DYNLT5: variants seen among roughly 807,000 people sequenced by gnomAD.
The protein encoded by DYNLT5 is dynein light chain Tctex-type 5.
DYNLT5 carries 25 observed loss-of-function variants against 19.3 expected under a neutral mutation model. The observed-to-expected ratio is 1.30, with a 90% CI of 0.95 to 1.81. The LOEUF is 1.81. DYNLT5 is among the 40% of genes most tolerant of loss of function. DYNLT5 has a pLI of 0.00. For missense variants in DYNLT5, 232 were observed against 217.9 expected (o/e 1.06, Z -0.41); for synonymous variants, 82 against 68.9 (o/e 1.19, Z -0.94).
intron 2 of DYNLT5, among the ~76,000 whole-genome samples, chr1:66,763,802 G>C (rs1022285168): frequency 3.3e-5 from 5 of 152,160 alleles, no homozygotes; most frequent in African/African-American, 1.2e-4. Context: ...CTTCTATCCA[G>C]ACCACTAAAA....
At chr1:66,761,342 C>A (rs2094645633) in intron 2 of DYNLT5, among the ~76,000 whole-genome samples, 1 of 152,138 alleles carries the variant, frequency 6.6e-6, no homozygotes, top group Non-Finnish European at 1.5e-5. Context: ...TATAAAAATC[C>A]TTTATTGCTA....
At position 66,754,754 on chromosome 1, in the gene DYNLT5, G is replaced by A; in HGVS notation, c.96G>A (p.Lys32=). The A allele has an allele frequency of 1.2e-6, 2 of 1,612,270 alleles. No homozygotes were observed. Among genetic ancestry groups the A allele is most frequent in the African/African-American group, 2.7e-5 (2 of 74,958 alleles). ...SSLSNHEFWR[K]EIHGRIKDSM... is the part of the protein sequence containing the mutation. ...TAAGTAATCATGAATTTTGGCGAAAGGAAATTCATGGGCGCATCAAAGAGT... is the reference window on the plus strand; with the variant it reads ...TAAGTAATCATGAATTTTGGCGAAAAGAAATTCATGGGCGCATCAAAGAGT... Residue 32 remains lysine, a synonymous_variant, in exon 2 of 5, where the codon AAG becomes AAA. Coordinates refer to ENST00000282670, the MANE Select transcript of DYNLT5 (RefSeq NM_152665.3).
intron 2 of DYNLT5, among the ~76,000 whole-genome samples, chr1:66,769,546 C>T (rs79422891): frequency 6.6e-6 from 1 of 151,218 alleles, no homozygotes; most frequent in Admixed American, 6.6e-5. Flanking sequence ...AACACACACC[C>T]ACACACACAC....
intron 2 of DYNLT5, among the ~76,000 whole-genome samples, chr1:66,757,758 G>A (rs1286989996): frequency 6.6e-6 from 1 of 152,000 alleles, no homozygotes; most frequent in Admixed American, 6.6e-5. Context: ...CATCTGTTTT[G>A]CTAAATACGA....
chr1:66,759,449 G>A (rs2094641947), intron 2 of DYNLT5, among the ~76,000 whole-genome samples: 1 of 152,072 alleles, frequency 6.6e-6, no homozygotes. Context: ...ATAAAATCTA[G>A]GGCTTCTGCT....
chr1:66,753,315 C>G (rs892046778), intron 1 of DYNLT5, among the ~76,000 whole-genome samples: 1 of 152,156 alleles, frequency 6.6e-6, no homozygotes, highest in Non-Finnish European at 1.5e-5. Flanking sequence ...GTGTCTAGCA[C>G]AGTATTTCCT....
chr1:66,772,278 C>T (rs1308107118), intron 3 of DYNLT5, among the ~76,000 whole-genome samples: 3 of 152,138 alleles, frequency 2.0e-5, no homozygotes, highest in African/African-American at 7.2e-5. Flanking sequence ...AGCTTTTAGG[C>T]ATGGCAGAAG....
At chr1:66,760,380 G>C (rs557094476) in intron 2 of DYNLT5, among the ~76,000 whole-genome samples, 34 of 152,058 alleles carry the variant, frequency 2.2e-4, no homozygotes, top group African/African-American at 8.2e-4. Context: ...TGTGATCATC[G>C]AATGAATAAT....
Position 66,754,672 on chromosome 1 carries a change from A to G in DYNLT5, c.14A>G (p.Asp5Gly), listed in dbSNP as rs1413710888. Residue 5 changes from aspartate (D) to glycine (G), a missense_variant, in exon 2 of 5, where the codon GAC becomes GGC. Coordinates refer to ENST00000282670, the MANE Select transcript of DYNLT5 (RefSeq NM_152665.3). The stretch of plus-strand genomic sequence containing the variant: ...CTTCCATAGGTTATGATGATGTCAG[A>G]CAATGCTAAAGGCAGAGCAGCTCAT... MMMS[D>G]NAKGRAAHSW... The G allele has an allele frequency of 6.2e-7, 1 of 1,609,802 alleles. No homozygotes were observed. Among genetic ancestry groups the G allele is most frequent in the South Asian group, 1.1e-5 (1 of 89,908 alleles).
chr1:66,763,487 AC>A (rs1458393602), intron 2 of DYNLT5, among the ~76,000 whole-genome samples: 3 of 152,208 alleles, frequency 2.0e-5, no homozygotes, highest in African/African-American at 7.2e-5. Context: ...CTGAAATAAG[AC>A]TGTTTCATCT....
Position 66,754,779 on chromosome 1 carries a change from T to A in DYNLT5, c.119+2T>A. 1 of 1,607,056 alleles carries A rather than the reference T, an allele frequency of 6.2e-7. No individual in the cohort carries two copies. The highest frequency in any genetic ancestry group is 2.2e-5 in the East Asian group (1 of 44,718). On this transcript the variant is annotated splice_donor_variant, in intron 2 of 4. Transcript: ENST00000282670. LOFTEE classifies it high-confidence loss of function. ...GGAAATTCATGGGCGCATCAAAGAG[T>A]GAGTAACTGTCTAAAATTGTAAATT...
intron 2 of DYNLT5, among the ~76,000 whole-genome samples, chr1:66,757,273 AGT>A (rs1557869908): frequency 6.6e-6 from 1 of 152,198 alleles, no homozygotes; most frequent in Non-Finnish European, 1.5e-5. Context: ...AGTCTTCCAC[AGT>A]TGTAACTAAT....
At chr1:66,756,844 C>G (rs915226846) in intron 2 of DYNLT5, among the ~76,000 whole-genome samples, 2 of 152,224 alleles carry the variant, frequency 1.3e-5, no homozygotes, top group Non-Finnish European at 2.9e-5. Flanking sequence ...AGTGCTCTAT[C>G]TGGCCCCCAG....
intron 2 of DYNLT5, among the ~76,000 whole-genome samples, chr1:66,768,226 T>C (rs1645179176): frequency 6.6e-6 from 1 of 152,224 alleles, no homozygotes; most frequent in Non-Finnish European, 1.5e-5. Context: ...ATGATACATT[T>C]TAAATTTTTT....
intron 2 of DYNLT5, among the ~76,000 whole-genome samples, chr1:66,763,676 A>G (rs1296145270): frequency 6.6e-6 from 1 of 152,200 alleles, no homozygotes; most frequent in Non-Finnish European, 1.5e-5. Context: ...AACCTCTGCT[A>G]GTTTCAAACT....
intron 2 of DYNLT5, among the ~76,000 whole-genome samples, chr1:66,766,564 T>C (rs2094655657): frequency 6.6e-6 from 1 of 152,212 alleles, no homozygotes; most frequent in African/African-American, 2.4e-5. Context: ...TTCTAAAAAT[T>C]TGCCAAGCTC....
intron 2 of DYNLT5, among the ~76,000 whole-genome samples, chr1:66,762,843 G>A (rs952611245): frequency 6.6e-6 from 1 of 151,956 alleles, no homozygotes; most frequent in Non-Finnish European, 1.5e-5. Flanking sequence ...GGGGGTTAGG[G>A]GAAAAAAATA....
At chr1:66,773,759 T>C (rs1349247711) in intron 3 of DYNLT5, among the ~76,000 whole-genome samples, 1 of 152,142 alleles carries the variant, frequency 6.6e-6, no homozygotes, top group Non-Finnish European at 1.5e-5. Context: ...GTTTTGTTTG[T>C]TTTTAAAATT....
intron 3 of DYNLT5, chr1:66,771,045 A>G (rs1402835390): frequency 6.4e-6 from 1 of 157,372 alleles, no homozygotes; most frequent in Non-Finnish European, 1.4e-5. Context: ...CTAAAAGCGT[A>G]CCTGCCCACT....
Sources: allele counts gnomAD v4.1 joint callset (sites outside exome capture counted in the v4.1 genomes callset), GRCh38; gene constraint gnomAD v4.1.1; transcripts MANE v1.5; gene names NCBI Gene and HGNC (gene_info 2026-07-23, HGNC 2026-07-21).